COQ5: variants seen among roughly 807,000 people sequenced by gnomAD.
COQ5 encodes 2-methoxy-6-polyprenyl-1,4-benzoquinol methylase, mitochondrial.
In COQ5, 27 loss-of-function variants were observed where a neutral mutation model predicts 40.5. That is an observed-to-expected ratio of 0.67 (90% CI 0.49 to 0.92). The LOEUF (loss-of-function observed/expected upper bound fraction) is 0.92, where lower values mean the gene tolerates loss of function less well. COQ5 is among the 40% of genes least tolerant of loss of function. The pLI, the probability that COQ5 is intolerant of heterozygous loss-of-function variation, is 0.00. For synonymous variants in COQ5, 141 were observed against 150.0 expected, an observed-to-expected ratio of 0.94 and a Z score of 0.44; for missense variants, 409 against 406.4, an observed-to-expected ratio of 1.01 and a Z score of -0.06.
chr12:120,527,279 T>A (rs570013276), intron 1 of COQ5: 1 of 151,404 alleles, frequency 6.6e-6, no homozygotes, highest in Non-Finnish European at 1.5e-5. Context: ...AGAGATGAGG[T>A]TTCACCACGT....
At position 120,511,937 on chromosome 12, in the gene COQ5, T is replaced by C. The variant is rs372795299; in HGVS notation, c.575-1814A>G. 4.6e-5 allele frequency among the ~76,000 whole-genome samples: 7 copies of C among 152,126 alleles called. No homozygotes were observed. In the South Asian group the frequency reaches 1.0e-3, roughly 23 times the overall value. ...ATAAAAAATAATGATTTTGGCCGGG[T>C]GTGGTGGCTCACGCCTGTAATCCCA... On this transcript the variant is annotated intron_variant, in intron 3 of 6. Transcript: ENST00000288532.
chr12:120,505,423 T>G, intron 4 of COQ5, among the ~76,000 whole-genome samples: 1 of 152,200 alleles, frequency 6.6e-6, no homozygotes, highest in Non-Finnish European at 1.5e-5. Context: ...AGCCTTGCTC[T>G]GTCGCCCAGA....
chr12:120,504,514 C>G, intron 5 of COQ5: 1 of 296,174 alleles, frequency 3.4e-6, no homozygotes, highest in South Asian at 3.2e-5. Context: ...TCCCAAAGTG[C>G]TGGGATTACA....
At chr12:120,509,445 T>G (rs1394500632) in intron 4 of COQ5, among the ~76,000 whole-genome samples, 1 of 152,204 alleles carries the variant, frequency 6.6e-6, no homozygotes, top group Non-Finnish European at 1.5e-5. Context: ...CCAGCTATCT[T>G]TTGTCAAAAC....
In COQ5 at chr12:120,529,088, C is replaced by T; in HGVS notation, c.54G>A (p.Ser18=). 6.2e-7 allele frequency: 1 copy of T among 1,614,144 alleles called. No individual in the cohort carries two copies. The highest frequency in any genetic ancestry group is 8.5e-7 in the Non-Finnish European group (1 of 1,180,026). The change falls in exon 1 of 7, where the codon TCG becomes TCA. Residue 18 remains serine, a synonymous_variant. Coordinates refer to ENST00000288532, the MANE Select transcript of COQ5 (RefSeq NM_032314.4). ...ALWSYCGRGW[S]RAMRGCQLLG... ...GGAGCTGGCAGCCCCGCATCGCCCG[C>T]GACCACCCACGGCCGCAATAGCTCC...
At chr12:120,528,828 G>T in intron 1 of COQ5, 112 bp downstream of exon 1, 1 of 1,019,328 alleles carries the variant, frequency 9.8e-7, no homozygotes, top group Non-Finnish European at 1.6e-6. Context: ...AATCATAACT[G>T]CACAGACAAC....
At chr12:120,506,025 T>A (rs972513957) in intron 4 of COQ5, among the ~76,000 whole-genome samples, 13 of 152,000 alleles carry the variant, frequency 8.6e-5, no homozygotes, top group African/African-American at 3.1e-4. Flanking sequence ...CCAACTAATT[T>A]TGTGTTTTTA....
At position 120,528,970 on chromosome 12, in the gene COQ5, T is replaced by A; in HGVS notation, c.172A>T (p.Thr58Ser). The A allele has an allele frequency of 6.2e-7, 1 of 1,613,990 alleles. No homozygotes were observed. The highest frequency in any genetic ancestry group is 8.5e-7 in the Non-Finnish European group (1 of 1,179,996). Reference sequence around the variant, plus strand: ...CCCCCCTTCTCCTCTTCCGACACAGTCTCAAACCCAAAGTGCGTTTCCGCT... The same window carrying A: ...CCCCCCTTCTCCTCTTCCGACACAGACTCAAACCCAAAGTGCGTTTCCGCT... ...RAAETHFGFETVSEEEKGGKV... is the reference protein window; with the variant it reads ...RAAETHFGFESVSEEEKGGKV... Residue 58 changes from threonine to serine, a missense_variant, in exon 1 of 7, where the codon ACT becomes TCT. Coordinates refer to ENST00000288532, the MANE Select transcript of COQ5 (RefSeq NM_032314.4).
At chr12:120,505,808 G>A (rs575187502) in intron 4 of COQ5, among the ~76,000 whole-genome samples, 4 of 151,592 alleles carry the variant, frequency 2.6e-5, no homozygotes, top group African/African-American at 4.8e-5. Flanking sequence ...TGCCAGCCTC[G>A]GCCTCCCAAA....
At chr12:120,520,843 CAAG>C (rs1252178981) in intron 2 of COQ5, among the ~76,000 whole-genome samples, 1 of 151,560 alleles carries the variant, frequency 6.6e-6, no homozygotes, top group Non-Finnish European at 1.5e-5. Flanking sequence ...GCTCAGTGTA[CAAG>C]AAGTAACAAA....
chr12:120,526,903 G>C (rs1869978118), intron 1 of COQ5: 1 of 160,216 alleles, frequency 6.2e-6, no homozygotes, highest in Non-Finnish European at 1.4e-5. Flanking sequence ...TTTTAGTAGA[G>C]ACGGAGTTTC....
chr12:120,522,969 T>C (rs2137091865), intron 1 of COQ5: 1 of 585,306 alleles, frequency 1.7e-6, no homozygotes, highest in East Asian at 2.7e-5. Context: ...GCCTTTCTTG[T>C]TGTGCTTCTT....
intron 4 of COQ5, among the ~76,000 whole-genome samples, chr12:120,507,288 AT>A (rs954954756): frequency 1.8e-3 from 240 of 136,806 alleles, no homozygotes; most frequent in Middle Eastern, 3.8e-3. Flanking sequence ...TATTCAACTT[AT>A]TTTTTTTTTT....
chr12:120,504,408 A>T (rs12824035), intron 5 of COQ5, among the ~76,000 whole-genome samples: 13 of 111,056 alleles, frequency 1.2e-4, no homozygotes, highest in Admixed American at 2.2e-4. Flanking sequence ...CCTGATTTAA[A>T]TTTTTTTTTT....
At chr12:120,522,524 C>A in intron 1 of COQ5, 161 bp from the exon 2 acceptor site, 1 of 695,204 alleles carries the variant, frequency 1.4e-6, no homozygotes, top group Non-Finnish European at 2.5e-6. Context: ...TTAACATTAC[C>A]TCTTTATTGA....
intron 3 of COQ5, among the ~76,000 whole-genome samples, chr12:120,515,324 A>G (rs1316738135): frequency 6.6e-6 from 1 of 151,894 alleles, no homozygotes; most frequent in African/African-American, 2.4e-5. Flanking sequence ...TCCTGGCTTC[A>G]AGCGATCCTT....
chr12:120,519,062 C>A lies in COQ5; in HGVS notation c.353-2274G>T, dbSNP rs187191552. Among the ~76,000 whole-genome samples, 3 of 152,276 alleles carry A rather than the reference C, an allele frequency of 2.0e-5. No homozygotes were observed. In the East Asian group the frequency reaches 5.8e-4, roughly 29 times the overall value. On this transcript the variant is annotated intron_variant, in intron 2 of 6. Transcript: ENST00000288532. ...CTTCCCACTTAATATGTCCTTGCAA[C>A]CTTTCCATCATTACTTGTAAGTTTT...
chr12:120,527,675 T>C (rs1384286162), intron 1 of COQ5, among the ~76,000 whole-genome samples: 1 of 152,100 alleles, frequency 6.6e-6, no homozygotes, highest in Non-Finnish European at 1.5e-5. Context: ...ACATTGATTA[T>C]ACATTGTAAA....
chr12:120,526,624 C>A (rs1335904282), intron 1 of COQ5: 3 of 281,232 alleles, frequency 1.1e-5, no homozygotes, highest in Non-Finnish European at 2.1e-5. Context: ...AGAAATATGG[C>A]AATTTGCCAA....
Sources: allele counts gnomAD v4.1 joint callset (sites outside exome capture counted in the v4.1 genomes callset), GRCh38; gene constraint gnomAD v4.1.1; transcripts MANE v1.5; gene names NCBI Gene and HGNC (gene_info 2026-07-23, HGNC 2026-07-21).